Variants in CDH4 observed in about 807,000 individuals in gnomAD.
CDH4 encodes cadherin-4.
A neutral mutation model predicts 86.0 loss-of-function variants in CDH4; 33 were observed. The ratio of observed to expected loss-of-function variants is 0.38; its 90% CI spans 0.29 to 0.51. The LOEUF is 0.51. CDH4 is among the 20% of genes least tolerant of loss of function. CDH4 has a pLI of 0.86. For synonymous variants in CDH4, 555 were observed against 549.4 expected (o/e 1.01, Z -0.14); for missense variants, 1,114 against 1,307.4 (o/e 0.85, Z 2.28).
intron 2 of CDH4, among the ~76,000 whole-genome samples, chr20:61,274,053 G>A (rs1229589805): frequency 7.1e-6 from 1 of 140,370 alleles, no homozygotes; most frequent in Non-Finnish European, 1.5e-5. Context: ...AGTACCATGT[G>A]TAGTTTGGGG....
chr20:61,399,423 C>T (rs1211853826), intron 2 of CDH4, among the ~76,000 whole-genome samples: 2 of 45,172 alleles, frequency 4.4e-5, no homozygotes, highest in Admixed American at 2.4e-4. Context: ...TGAGCCACCG[C>T]GCCCGGCCAA....
chr20:61,508,984 C>T (rs1438841512), intron 2 of CDH4, among the ~76,000 whole-genome samples: 1 of 151,376 alleles, frequency 6.6e-6, no homozygotes, highest in African/African-American at 2.5e-5. Context: ...TCCCAGGCCT[C>T]GCCCAGTGGT....
At position 61,747,077 on chromosome 20, in the gene CDH4, G is replaced by A. The variant is rs374031081; in HGVS notation, c.396+3288G>A. On this transcript the variant is annotated intron_variant, in intron 3 of 15. Coordinates refer to ENST00000614565, the MANE Select transcript of CDH4 (RefSeq NM_001794.5). Reference sequence around the variant, plus strand: ...CTTTCATATTCAACGTCCAGCACTCGGCCTCATGACTGGGCACATGAGGAG... The same window carrying A: ...CTTTCATATTCAACGTCCAGCACTCAGCCTCATGACTGGGCACATGAGGAG... Among the ~76,000 whole-genome samples, 5 of 152,292 alleles carry A rather than the reference G, an allele frequency of 3.3e-5. No individual in the cohort carries two copies. In the South Asian group the frequency reaches 8.3e-4, roughly 25 times the overall value.
intron 2 of CDH4, among the ~76,000 whole-genome samples, chr20:61,314,389 T>TG (rs1223535513): frequency 2.6e-5 from 4 of 152,228 alleles, no homozygotes; most frequent in Non-Finnish European, 4.4e-5. Context: ...GGGCCTGGCT[T>TG]GTTTTATTTA....
intron 2 of CDH4, among the ~76,000 whole-genome samples, chr20:61,521,515 TTCAC>T (rs761044104): frequency 3.0e-4 from 46 of 152,180 alleles, no homozygotes; most frequent in Non-Finnish European, 4.1e-4. Flanking sequence ...CACCACAGGC[TTCAC>T]TCACTCACTC....
At chr20:61,254,098 G>C (rs1055004352) in intron 1 of CDH4, among the ~76,000 whole-genome samples, 8 of 152,222 alleles carry the variant, frequency 5.3e-5, no homozygotes, top group Non-Finnish European at 1.0e-4. Flanking sequence ...CACTGAGCAG[G>C]AAAGGCGAGC....
chr20:61,888,259 G>A (rs1984635687), intron 7 of CDH4, among the ~76,000 whole-genome samples: 1 of 152,184 alleles, frequency 6.6e-6, no homozygotes, highest in Non-Finnish European at 1.5e-5. Flanking sequence ...AGGTGGCATG[G>A]GTATCTGACA....
intron 2 of CDH4, among the ~76,000 whole-genome samples, chr20:61,661,742 T>C (rs2087259963): frequency 6.6e-6 from 1 of 152,178 alleles, no homozygotes; most frequent in African/African-American, 2.4e-5. Context: ...ATTTCCACTT[T>C]GGGTCTGGAC....
intron 13 of CDH4, among the ~76,000 whole-genome samples, chr20:61,931,433 G>A (rs1338318832): frequency 7.9e-5 from 12 of 152,328 alleles, no homozygotes; most frequent in South Asian, 2.1e-4. Context: ...ACTCCGCTTC[G>A]GAATCCTCCT....
In CDH4 at chr20:61,655,700, G is replaced by GTCAT. The variant is rs374644613; in HGVS notation, c.170-87848_170-87845dup. 3.9e-5 allele frequency among the ~76,000 whole-genome samples: 6 copies of GTCAT among 152,216 alleles called. No individual in the cohort carries two copies. The South Asian group carries it at 6.2e-4, about 16-fold the overall frequency. On this transcript the variant is annotated intron_variant, in intron 2 of 15. Coordinates refer to ENST00000614565, the MANE Select transcript of CDH4 (RefSeq NM_001794.5). ...TCAGCTCTGAAAGCAGCCTCCGTGG[G>GTCAT]TCATTCATTCATTCATTCGTGGGCC...
chr20:61,453,928 G>A (rs756761177), intron 2 of CDH4, among the ~76,000 whole-genome samples: 5 of 152,258 alleles, frequency 3.3e-5, no homozygotes, highest in South Asian at 2.1e-4. Flanking sequence ...TCCCTCTTTT[G>A]CTCTGCACTT....
At chr20:61,315,231 C>A (rs2084469933) in intron 2 of CDH4, among the ~76,000 whole-genome samples, 1 of 152,032 alleles carries the variant, frequency 6.6e-6, no homozygotes, top group Admixed American at 6.6e-5. Context: ...TGGATGGGGT[C>A]AGTGAGATGC....
intron 7 of CDH4, among the ~76,000 whole-genome samples, chr20:61,892,619 T>A (rs1317756573): frequency 6.6e-6 from 1 of 152,076 alleles, no homozygotes; most frequent in East Asian, 1.9e-4. Context: ...CCATGACACA[T>A]GGAGTGCTGT....
intron 2 of CDH4, among the ~76,000 whole-genome samples, chr20:61,379,966 G>A (rs1285147860): frequency 1.3e-5 from 2 of 151,290 alleles, no homozygotes; most frequent in Admixed American, 1.3e-4. Context: ...GATAAGGATT[G>A]TGTAGATAAT....
intron 2 of CDH4, among the ~76,000 whole-genome samples, chr20:61,563,057 G>A (rs1568686991): frequency 6.6e-6 from 1 of 152,154 alleles, no homozygotes. Flanking sequence ...GACCTGTGAA[G>A]TCTACACGAG....
At chr20:61,383,199 T>TA (rs1451051993) in intron 2 of CDH4, among the ~76,000 whole-genome samples, 2 of 73,472 alleles carry the variant, frequency 2.7e-5, no homozygotes, top group East Asian at 3.0e-4. Context: ...ATGAATATAT[T>TA]TATATATGAA....
At position 61,909,985 on chromosome 20, in the gene CDH4, C is replaced by T. The variant is rs372745701; in HGVS notation, c.1189-437C>T. ...GTGGCTGCAGGGCTGACGCACCTGC[C>T]GGGCAGGTCTGCACGCCTGCTTCAG... On this transcript the variant is annotated intron_variant, in intron 8 of 15. Coordinates refer to ENST00000614565, the MANE Select transcript of CDH4 (RefSeq NM_001794.5). Among the ~76,000 whole-genome samples the T allele has an allele frequency of 2.1e-4, 32 of 152,378 alleles. No individual in the cohort carries two copies. In the East Asian group the frequency reaches 6.0e-3, roughly 28 times the overall value.
intron 3 of CDH4, among the ~76,000 whole-genome samples, chr20:61,749,710 A>G (rs1457950124): frequency 1.3e-5 from 2 of 152,222 alleles, no homozygotes; most frequent in Non-Finnish European, 2.9e-5. Context: ...GGATGTAGCT[A>G]AAGTCATGCC....
rs566943054 is a variant in CDH4 at position 61,697,244 on chromosome 20, T to A, written c.170-46319T>A. Among the ~76,000 whole-genome samples, 23 of 152,276 alleles carry A rather than the reference T, an allele frequency of 1.5e-4. No homozygotes were observed. The East Asian group carries it at 4.4e-3, about 29-fold the overall frequency. On this transcript the variant is annotated intron_variant, in intron 2 of 15. Coordinates refer to ENST00000614565, the MANE Select transcript of CDH4 (RefSeq NM_001794.5). ...TGGAAGATGCTGATGAGAAGCCCAG[T>A]TCATAGGGCCCACACCCAGGCGAGT...
Sources: gnomAD v4.1 joint callset for allele counts (sites outside exome capture counted in the v4.1 genomes callset) on GRCh38, gnomAD v4.1.1 for gene constraint, MANE v1.5 for transcripts, NCBI Gene and HGNC (gene_info 2026-07-23, HGNC 2026-07-21) for gene names.